The following MYO1D variants were observed in gnomAD, a reference collection of about 807,000 sequenced individuals.
MYO1D encodes the protein myosin ID.
Under a neutral mutation model 122.0 loss-of-function variants are expected in MYO1D, and 83 were observed. That is an observed-to-expected ratio of 0.68 (90% CI 0.57 to 0.82). The LOEUF is 0.82. MYO1D is among the 40% of genes least tolerant of loss of function. MYO1D has a pLI of 0.00. For missense variants in MYO1D, 1,157 were observed against 1,269.5 expected (o/e 0.91, Z 1.35); for synonymous variants, 464 against 446.9 (o/e 1.04, Z -0.48).
At chr17:32,629,746 A>AG (rs1379605032) in intron 20 of MYO1D, among the ~76,000 whole-genome samples, 5 of 151,892 alleles carry the variant, frequency 3.3e-5, no homozygotes, top group African/African-American at 1.2e-4. Flanking sequence ...AAAAAAAAAA[A>AG]AAGGTATCAA....
At chr17:32,619,562 G>T (rs939060393) in intron 20 of MYO1D, among the ~76,000 whole-genome samples, 1 of 152,118 alleles carries the variant, frequency 6.6e-6, no homozygotes, top group Non-Finnish European at 1.5e-5. Context: ...ATTTGGTCTG[G>T]TTTGTGCTGG....
At chr17:32,858,060 C>T (rs1284848364) in intron 1 of MYO1D, among the ~76,000 whole-genome samples, 1 of 152,104 alleles carries the variant, frequency 6.6e-6, no homozygotes, top group Admixed American at 6.5e-5. Flanking sequence ...TTCAACTGTT[C>T]CTTTAAAATA....
chr17:32,690,301 A>C (rs1044841281), intron 16 of MYO1D, among the ~76,000 whole-genome samples: 3 of 150,456 alleles, frequency 2.0e-5, no homozygotes, highest in Non-Finnish European at 4.4e-5. Context: ...TCTGCCTCCC[A>C]AGTAGCTAGG....
chr17:32,773,133 G>C (rs917289453), intron 4 of MYO1D, among the ~76,000 whole-genome samples: 1 of 152,180 alleles, frequency 6.6e-6, no homozygotes, highest in African/African-American at 2.4e-5. Flanking sequence ...CAAGTCCTCA[G>C]ACCAACCAGC....
intron 1 of MYO1D, among the ~76,000 whole-genome samples, chr17:32,815,080 A>C (rs117889501): frequency 8.6e-4 from 131 of 152,326 alleles, no homozygotes; most frequent in South Asian, 2.9e-3. Flanking sequence ...CCTCCAAAGA[A>C]CAGGAAACAC....
intron 20 of MYO1D, among the ~76,000 whole-genome samples, chr17:32,626,082 C>T (rs2087923899): frequency 6.6e-6 from 1 of 152,220 alleles, no homozygotes; most frequent in Non-Finnish European, 1.5e-5. Context: ...CAGTGAGCAA[C>T]CTAGGCACTG....
At chr17:32,768,706 C>T (rs1372333401) in intron 6 of MYO1D, among the ~76,000 whole-genome samples, 2 of 152,154 alleles carry the variant, frequency 1.3e-5, no homozygotes, top group African/African-American at 4.8e-5. Context: ...TGAACCTCAA[C>T]TTCCTCACAA....
intron 21 of MYO1D, among the ~76,000 whole-genome samples, chr17:32,520,549 TAG>T (rs906695690): frequency 4.5e-4 from 69 of 152,324 alleles, no homozygotes; most frequent in Admixed American, 3.3e-3. Context: ...GAGATTATAA[TAG>T]AGAGGCATGT....
In MYO1D at chr17:32,750,376, A is replaced by C. The variant is rs537649316; in HGVS notation, c.1468-1370T>G. ...CGTCTGTAATCCCAGCACTTTGGGA[A>C]GCTGAGGCGGGCGGATTCCGAGGTC... On this transcript the variant is annotated intron_variant, in intron 11 of 21. Transcript: ENST00000318217. 1.1e-3 allele frequency among the ~76,000 whole-genome samples: 168 copies of C among 152,068 alleles called. 1 individual carries two copies. Among genetic ancestry groups the C allele is most frequent in the African/African-American group, 4.0e-3 (165 of 41,500 alleles).
intron 14 of MYO1D, among the ~76,000 whole-genome samples, chr17:32,729,747 T>C (rs2089615434): frequency 6.6e-6 from 1 of 152,196 alleles, no homozygotes; most frequent in African/African-American, 2.4e-5. Context: ...GTACCAAAGT[T>C]AGAACCTGGG....
At chr17:32,692,665 A>C (rs1444072900) in intron 16 of MYO1D, among the ~76,000 whole-genome samples, 1 of 152,194 alleles carries the variant, frequency 6.6e-6, no homozygotes, top group Non-Finnish European at 1.5e-5. Context: ...AGACAACTAA[A>C]TTACCAAAGT....
At chr17:32,552,676 C>T (rs2087028790) in intron 21 of MYO1D, among the ~76,000 whole-genome samples, 2 of 152,184 alleles carry the variant, frequency 1.3e-5, no homozygotes, top group African/African-American at 2.4e-5. Flanking sequence ...AGAACAGTCA[C>T]TGCAGTGGAA....
chr17:32,544,280 T>C (rs1024673844), intron 21 of MYO1D, among the ~76,000 whole-genome samples: 37 of 151,650 alleles, frequency 2.4e-4, no homozygotes, highest in African/African-American at 8.3e-4. Context: ...AAAAAAAAAT[T>C]TGTAGAGACA....
At chr17:32,554,851 C>T (rs543552035) in intron 21 of MYO1D, among the ~76,000 whole-genome samples, 45 of 152,212 alleles carry the variant, frequency 3.0e-4, no homozygotes, top group East Asian at 1.5e-3. Flanking sequence ...AATGGATATA[C>T]GAAGTTTTTT....
chr17:32,657,341 A>G (rs1396790571), intron 17 of MYO1D, among the ~76,000 whole-genome samples: 1 of 152,260 alleles, frequency 6.6e-6, no homozygotes, highest in East Asian at 1.9e-4. Flanking sequence ...GGCAAACTAT[A>G]GCCTGTGCCA....
intron 21 of MYO1D, among the ~76,000 whole-genome samples, chr17:32,506,503 G>A (rs1265428065): frequency 1.3e-5 from 2 of 152,118 alleles, no homozygotes; most frequent in Non-Finnish European, 2.9e-5. Context: ...CAGAGCAGTA[G>A]AAGGGAGGGT....
rs954411993 is a variant in MYO1D, at chr17:32,494,635, C to A, written c.*124G>T. 9.8e-6 allele frequency: 11 copies of A among 1,123,318 alleles called. No homozygotes were observed. Among genetic ancestry groups the A allele is most frequent in the South Asian group, 1.6e-5 (1 of 61,846 alleles). 69.6% of individuals were successfully genotyped at this position (1,123,318 alleles called of 1,614,324 possible). A position where few individuals can be genotyped will look rare whatever the true frequency, so the allele number is the denominator to read the frequency against. ...AACCAGGAAGGAAATCTTACAGGGG[C>A]GGGGCTCCTCTGGGAGGGGCCCTCG... On this transcript the variant is annotated 3_prime_UTR_variant, in exon 22 of 22. Transcript: ENST00000318217.
chr17:32,588,961 CAAATA>C (rs1468643047), intron 21 of MYO1D, among the ~76,000 whole-genome samples: 4 of 102,794 alleles, frequency 3.9e-5, no homozygotes, highest in African/African-American at 1.5e-4. Flanking sequence ...AACAAACAAA[CAAATA>C]AAACAAAAAA....
At chr17:32,770,931 T>C in intron 6 of MYO1D, among the ~76,000 whole-genome samples, 194 bp downstream of exon 6, 1 of 152,216 alleles carries the variant, frequency 6.6e-6, no homozygotes, top group East Asian at 1.9e-4. Flanking sequence ...TAAAATATCA[T>C]AATTGATTTT....
Sources: allele counts gnomAD v4.1 joint callset (sites outside exome capture counted in the v4.1 genomes callset), GRCh38; gene constraint gnomAD v4.1.1; transcripts MANE v1.5; gene names NCBI Gene and HGNC (gene_info 2026-07-23, HGNC 2026-07-21).